Variants in TRRAP observed in about 807,000 individuals in gnomAD.
TRRAP encodes transformation/transcription domain-associated protein.
Under a neutral mutation model 438.8 loss-of-function variants are expected in TRRAP, and 41 were observed. The ratio of observed to expected loss-of-function variants is 0.09; its 90% CI spans 0.07 to 0.12. The LOEUF is 0.12. Among genes scored for constraint, TRRAP ranks in the 10% least tolerant of loss-of-function variants. The pLI is 1.00. For missense variants in TRRAP, 3,122 were observed against 5,055.1 expected (o/e 0.62, Z 11.60); for synonymous variants, 1,994 against 1,962.9 (o/e 1.02, Z -0.42).
chr7:98,950,075 G>C lies in TRRAP; in HGVS notation c.5147G>C (p.Gly1716Ala), dbSNP rs781857897. Residue 1716 changes from glycine (G) to alanine (A), a missense_variant, in exon 38 of 73, where the codon GGA becomes GCA. By Grantham distance (60) the Gly-to-Ala change is moderately conservative. Around this residue, in one of 24 missense-constraint regions of TRRAP, gnomAD observed 272 missense variants for 348.5 expected, o/e 0.78. Transcript: ENST00000456197. ...CLLNYCKRNY[G>A]DIELLFQLLR... ...TTTTGACCCTCCAGAAGGAATTACGGAGATATAGAATTGCTGTTCCAGCTG... is the reference window on the plus strand; with the variant it reads ...TTTTGACCCTCCAGAAGGAATTACGCAGATATAGAATTGCTGTTCCAGCTG... 6.2e-7 allele frequency: 1 copy of C among 1,614,240 alleles called. No homozygotes were observed. The highest frequency in any genetic ancestry group is 2.2e-5 in the East Asian group (1 of 44,890).
chr7:98,899,196 A>G (rs1389822411), intron 8 of TRRAP, among the ~76,000 whole-genome samples: 18 of 152,230 alleles, frequency 1.2e-4, no homozygotes, highest in African/African-American at 3.9e-4. Context: ...CTCAAAAAAA[A>G]AGAAAACCTT....
chr7:98,909,480 A>G (rs1220092442), intron 14 of TRRAP, among the ~76,000 whole-genome samples: 2 of 152,176 alleles, frequency 1.3e-5, no homozygotes, highest in African/African-American at 4.8e-5. Context: ...TATCTGCCTC[A>G]TAGGATCGCT....
At chr7:98,964,962 C>T (rs1792085412) in intron 48 of TRRAP, among the ~76,000 whole-genome samples, 187 bp downstream of exon 48, 1 of 152,212 alleles carries the variant, frequency 6.6e-6, no homozygotes, top group Non-Finnish European at 1.5e-5. Flanking sequence ...TAAAAATGGA[C>T]TGTTATTAAG....
chr7:98,922,070 A>T (rs1250536172), intron 21 of TRRAP, 117 bp downstream of exon 21: 3 of 1,392,510 alleles, frequency 2.2e-6, no homozygotes, highest in Non-Finnish European at 2.9e-6. Context: ...AACCAGTTGT[A>T]TCAGGTGATC....
intron 67 of TRRAP, among the ~76,000 whole-genome samples, chr7:98,998,130 G>C (rs920705811): frequency 6.6e-5 from 10 of 152,156 alleles, no homozygotes; most frequent in Non-Finnish European, 1.2e-4. Flanking sequence ...CCCAGTTGTA[G>C]GGAGTAGTAC....
At chr7:98,933,479 G>T (rs1790418860) in intron 27 of TRRAP, 77 bp downstream of exon 27, 1 of 1,516,018 alleles carries the variant, frequency 6.6e-7, no homozygotes, top group Non-Finnish European at 8.8e-7. Context: ...CGCGAAGACT[G>T]GTCAGGCAGC....
At chr7:98,925,295 G>T in intron 22 of TRRAP, 32 bp downstream of exon 22, 2 of 1,606,576 alleles carry the variant, frequency 1.2e-6, no homozygotes, top group Non-Finnish European at 8.5e-7. Context: ...GTGTGGTTGG[G>T]TGGATCCTGT....
chr7:98,952,747 G>A (rs1584353335), intron 39 of TRRAP, among the ~76,000 whole-genome samples: 1 of 152,308 alleles, frequency 6.6e-6, no homozygotes, highest in East Asian at 1.9e-4. Flanking sequence ...GGACCAGGTA[G>A]GGGAAGAGTC....
intron 69 of TRRAP, among the ~76,000 whole-genome samples, chr7:99,007,114 A>G (rs1278660154): frequency 2.0e-5 from 3 of 152,224 alleles, no homozygotes; most frequent in Non-Finnish European, 4.4e-5. Flanking sequence ...TTACACATTA[A>G]TGGGGCTAGA....
At chr7:98,955,637 G>C (rs1554419427) in intron 41 of TRRAP, among the ~76,000 whole-genome samples, 1 of 152,174 alleles carries the variant, frequency 6.6e-6, no homozygotes, top group African/African-American at 2.4e-5. Flanking sequence ...ACCTGCCTTG[G>C]AAAGTTATTC....
chr7:98,953,967 C>T (rs1262269073), intron 40 of TRRAP, among the ~76,000 whole-genome samples: 1 of 152,254 alleles, frequency 6.6e-6, no homozygotes, highest in Non-Finnish European at 1.5e-5. Flanking sequence ...TTTTCCATCT[C>T]AAGCTTCTCT....
intron 31 of TRRAP, 58 bp from the exon 32 acceptor site, chr7:98,945,689 G>T: frequency 6.3e-7 from 1 of 1,584,510 alleles, no homozygotes; most frequent in South Asian, 1.1e-5. Context: ...GAGTATGTGG[G>T]AAGTTTTTAT....
chr7:99,010,447 G>A (rs887717763), intron 70 of TRRAP, among the ~76,000 whole-genome samples: 2 of 152,216 alleles, frequency 1.3e-5, no homozygotes, highest in African/African-American at 4.8e-5. Flanking sequence ...CTTTCTCACA[G>A]CCATTCCCAC....
At chr7:98,911,026 C>T (rs1789245357) in intron 16 of TRRAP, 51 bp from the exon 17 acceptor site, 1 of 1,533,754 alleles carries the variant, frequency 6.5e-7, no homozygotes, top group Middle Eastern at 1.8e-4. Flanking sequence ...GGAACATATT[C>T]AGAGAGGTTC....
chr7:98,955,729 G>T (rs1791570692), intron 41 of TRRAP, among the ~76,000 whole-genome samples: 1 of 152,124 alleles, frequency 6.6e-6, no homozygotes, highest in Non-Finnish European at 1.5e-5. Context: ...GTAGATTTGG[G>T]GTAGAAGAGA....
chr7:98,929,471 G>C (rs781852340), intron 23 of TRRAP, among the ~76,000 whole-genome samples: 14 of 152,152 alleles, frequency 9.2e-5, no homozygotes, highest in Non-Finnish European at 1.9e-4. Flanking sequence ...AAATAACACA[G>C]TGTATCATAG....
At chr7:98,937,532 A>G (rs1790612666) in intron 29 of TRRAP, 118 bp from the exon 30 acceptor site, 1 of 1,187,450 alleles carries the variant, frequency 8.4e-7, no homozygotes, top group South Asian at 1.8e-5. Flanking sequence ...TATATGATTA[A>G]TATTCCATCT....
chr7:98,982,933 G>A (rs1234498472), intron 59 of TRRAP, among the ~76,000 whole-genome samples: 2 of 152,142 alleles, frequency 1.3e-5, no homozygotes, highest in Non-Finnish European at 2.9e-5. Flanking sequence ...AGGGAGGGTG[G>A]CAAAGGGCAT....
At position 98,900,610 on chromosome 7, in the gene TRRAP, C is replaced by T. The variant is rs782274806; in HGVS notation, c.801-14C>T. 2 of 1,598,784 alleles carry T rather than the reference C, an allele frequency of 1.3e-6. No homozygotes were observed. Among genetic ancestry groups the T allele is most frequent in the South Asian group, 1.1e-5 (1 of 87,986 alleles). On this transcript the variant is annotated splice_polypyrimidine_tract_variant and intron_variant, in intron 10 of 72. Coordinates refer to ENST00000456197, the MANE Select transcript of TRRAP (RefSeq NM_001375524.1). ...ATAATTGAGAGGTAATATTTTTGTT[C>T]TCTTCTTATTCAGGCAACATAAGCT...
Sources: gnomAD v4.1 joint callset for allele counts (sites outside exome capture counted in the v4.1 genomes callset) on GRCh38, gnomAD v4.1.1 for gene constraint, gnomAD v4.1.1 regional missense constraint, MANE v1.5 for transcripts, NCBI Gene and HGNC (gene_info 2026-07-23, HGNC 2026-07-21) for gene names.